The following WDR33 variants were observed in gnomAD, a reference collection of about 807,000 sequenced individuals.
The protein encoded by WDR33 is WD repeat domain 33.
In WDR33, 47 loss-of-function variants were observed where a neutral mutation model predicts 164.9. That is an observed-to-expected ratio of 0.29 (90% CI 0.23 to 0.36). The LOEUF is 0.36. WDR33 is among the 10% of genes least tolerant of loss of function. The probability of loss-of-function intolerance (pLI) is 1.00; values close to 1 mark genes in which losing one functional copy is unlikely to be tolerated. For missense variants in WDR33, 1,137 were observed against 1,754.1 expected, an observed-to-expected ratio of 0.65 and a Z score of 6.28; for synonymous variants, 505 against 589.0, an observed-to-expected ratio of 0.86 and a Z score of 2.06.
chr2:127,775,819 C>T (rs1688168986), intron 1 of WDR33, among the ~76,000 whole-genome samples: 1 of 151,564 alleles, frequency 6.6e-6, no homozygotes, highest in African/African-American at 2.4e-5. Context: ...CTTGAATGAT[C>T]AAGTACCAAT....
intron 4 of WDR33, among the ~76,000 whole-genome samples, chr2:127,766,877 C>A (rs184621085): frequency 6.6e-6 from 1 of 152,118 alleles, no homozygotes; most frequent in Non-Finnish European, 1.5e-5. Context: ...TCAAGTGATT[C>A]CCCTGTCTCA....
chr2:127,702,316 G>T lies in WDR33; in HGVS notation c.*4007C>A. ...CCTAACAGCCTGCGAGTCTAATCCG[G>T]GAGCGGCTGCTGCCAGCGGAGGCGA... On this transcript the variant is annotated 3_prime_UTR_variant, in exon 22 of 22. Coordinates refer to ENST00000322313, the MANE Select transcript of WDR33 (RefSeq NM_018383.5). 1.1e-6 allele frequency: 1 copy of T among 928,472 alleles called. No individual in the cohort carries two copies. The highest frequency in any genetic ancestry group is 1.8e-5 in the African/African-American group (1 of 56,776). The allele number at this position is 928,472 out of a possible 1,614,324, so 57.5% of individuals were successfully genotyped here.
intron 1 of WDR33, among the ~76,000 whole-genome samples, chr2:127,809,204 G>A (rs1400831257): frequency 6.6e-6 from 1 of 152,020 alleles, no homozygotes; most frequent in Non-Finnish European, 1.5e-5. Context: ...GCAAAGTAAT[G>A]GGAAAAGTAT....
rs2105371668 is a variant in WDR33, at chr2:127,710,459, C to A, written c.3309-603G>T. ...CCCACAGCCTCCACCCAGGGGCAGG[C>A]CTCCATGACCACGAGTGGCACTCAT... On this transcript the variant is annotated intron_variant, in intron 18 of 21. Coordinates refer to ENST00000322313, the MANE Select transcript of WDR33 (RefSeq NM_018383.5). The surrounding 1 kb of genome is among the most constrained non-coding windows in gnomAD (Gnocchi z 4.4). Among the ~76,000 whole-genome samples the A allele has an allele frequency of 6.6e-6, 1 of 152,306 alleles. No homozygotes were observed. Among genetic ancestry groups the A allele is most frequent in the South Asian group, 2.1e-4 (1 of 4,828 alleles).
chr2:127,740,156 A>C (rs1686970547), intron 7 of WDR33, among the ~76,000 whole-genome samples: 1 of 152,196 alleles, frequency 6.6e-6, no homozygotes, highest in South Asian at 2.1e-4. Context: ...TCCAACACTG[A>C]GAAGATGATA....
chr2:127,713,618 G>A lies in WDR33; in HGVS notation c.3273C>T (p.Pro1091=), dbSNP rs200730152. Residue 1091 remains proline, a synonymous_variant, in exon 18 of 22, where the codon CCC becomes CCT. Coordinates refer to ENST00000322313, the MANE Select transcript of WDR33 (RefSeq NM_018383.5). The surrounding 1 kb of genome is among the most constrained non-coding windows in gnomAD (Gnocchi z 6.2). The part of the protein sequence containing the change: ...RPGDERFPRD[P]EDPRFRGRRE... ...TGCGCCCTCGAAAACGTGGGTCCTC[G>A]GGATCCCGGGGGAAACGTTCATCTC... The A allele has an allele frequency of 2.7e-5, 43 of 1,614,120 alleles. No homozygotes were observed. The highest frequency in any genetic ancestry group is 1.6e-4 in the Middle Eastern group (1 of 6,084).
chr2:127,722,474 C>T lies in WDR33; in HGVS notation c.1518+117G>A, dbSNP rs1275242562. ...AGAACCATGTCTAAGAGTACGTGAA[C>T]ATGGGAAAAATGCTCCAGTACAGAA... On this transcript the variant is annotated intron_variant, in intron 14 of 21. Coordinates refer to ENST00000322313, the MANE Select transcript of WDR33 (RefSeq NM_018383.5). This position sits in a 1 kb window ranked among gnomAD's most constrained non-coding sequence, Gnocchi z 5.1. 5.0e-6 allele frequency: 7 copies of T among 1,402,196 alleles called. No homozygotes were observed. The highest frequency in any genetic ancestry group is 6.8e-6 in the Non-Finnish European group (7 of 1,034,730). 86.9% of individuals were successfully genotyped at this position (1,402,196 alleles called of 1,614,324 possible). A position where few individuals can be genotyped will look rare whatever the true frequency, so the allele number is the denominator to read the frequency against.
At chr2:127,725,479 G>A (rs1222895741) in intron 8 of WDR33, among the ~76,000 whole-genome samples, 4 of 152,198 alleles carry the variant, frequency 2.6e-5, no homozygotes, top group Non-Finnish European at 4.4e-5. Flanking sequence ...GCTCACGCCT[G>A]TAATCCCAGC....
In WDR33 at chr2:127,706,406, C is replaced by T. The variant is rs773059329; in HGVS notation, c.3928G>A (p.Gly1310Ser). 6.2e-7 allele frequency: 1 copy of T among 1,613,452 alleles called. No individual in the cohort carries two copies. Among genetic ancestry groups the T allele is most frequent in the East Asian group, 2.2e-5 (1 of 44,876 alleles). ...SGTPSRGGRS[G>S]SNWGRGSNMN... ...TTACTCCCTCTACCCCAGTTACTGC[C>T]ACTCCGGCCCCCTCGAGAAGGGGTG... is the stretch of plus-strand genomic sequence containing the variant. The change falls in exon 22 of 22, where the codon GGC becomes AGC. Residue 1310 changes from glycine (G) to serine (S), a missense_variant. Gly to Ser is a moderately conservative substitution (Grantham distance 56, BLOSUM62 0). Around this residue, in one of 9 missense-constraint regions of WDR33, gnomAD observed 867 missense variants for 1,073.0 expected, o/e 0.81. Transcript: ENST00000322313. The surrounding 1 kb of genome is among the most constrained non-coding windows in gnomAD (Gnocchi z 5.1).
chr2:127,706,644 GAC>G lies in WDR33; in HGVS notation c.3782-94_3782-93del, dbSNP rs1242843744. The stretch of plus-strand genomic sequence containing the variant: ...CAAACTTTACTCTCTGATGACAATG[GAC>G]CAGTTCTGGTGGGTGCCAGGGAGAC... On this transcript the variant is annotated intron_variant, in intron 21 of 21. Transcript: ENST00000322313. The surrounding 1 kb of genome is among the most constrained non-coding windows in gnomAD (Gnocchi z 5.1). 13 of 1,196,106 alleles carry G rather than the reference GAC, an allele frequency of 1.1e-5. No homozygotes were observed. The highest frequency in any genetic ancestry group is 1.5e-5 in the Non-Finnish European group (13 of 849,992). The allele number at this position is 1,196,106 out of a possible 1,614,324, so 74.1% of individuals were successfully genotyped here. A position where few individuals can be genotyped will look rare whatever the true frequency, so the allele number is the denominator to read the frequency against.
In WDR33 at chr2:127,763,397, T is replaced by C. The variant is rs1345894051; in HGVS notation, c.627-238A>G. On this transcript the variant is annotated intron_variant, in intron 6 of 21. Coordinates refer to ENST00000322313, the MANE Select transcript of WDR33 (RefSeq NM_018383.5). The surrounding 1 kb of genome is among the most constrained non-coding windows in gnomAD (Gnocchi z 4.5). ...ATCAGTATTCTGAGAACTTCAAGTG[T>C]GTATTATTAGTGCTAATGCTATCCA... 6.0e-6 allele frequency: 8 copies of C among 1,341,436 alleles called. No individual in the cohort carries two copies. Among genetic ancestry groups the C allele is most frequent in the Non-Finnish European group, 7.7e-6 (8 of 1,042,514 alleles). The allele number at this position is 1,341,436 out of a possible 1,614,324, so 83.1% of individuals were successfully genotyped here. A position where few individuals can be genotyped will look rare whatever the true frequency, so the allele number is the denominator to read the frequency against.
rs1246749415 is a variant in WDR33 at position 127,761,587 on chromosome 2, T to TAGAAAATGTTTCACTTATAAACACTTGG, written c.724+1474_724+1475insCCAAGTGTTTATAAGTGAAACATTTTCT. ...AAACTTAGAAAATGTTTCACTTATTTCTGTTTAACAGCCAAGACTAATAGT... is the reference window on the plus strand; with the variant it reads ...AAACTTAGAAAATGTTTCACTTATTTAGAAAATGTTTCACTTATAAACACTTGGCTGTTTAACAGCCAAGACTAATAGT... On this transcript the variant is annotated intron_variant, in intron 7 of 21. Coordinates refer to ENST00000322313, the MANE Select transcript of WDR33 (RefSeq NM_018383.5). Among the ~76,000 whole-genome samples the TAGAAAATGTTTCACTTATAAACACTTGG allele has an allele frequency of 2.0e-5, 3 of 152,238 alleles. No individual in the cohort carries two copies. In the East Asian group the frequency reaches 5.8e-4, roughly 29 times the overall value.
chr2:127,727,873 C>T (rs1007769374), intron 7 of WDR33, among the ~76,000 whole-genome samples: 2 of 152,104 alleles, frequency 1.3e-5, no homozygotes, highest in African/African-American at 4.8e-5. Context: ...CAGAAGAATA[C>T]AGACAAAGGG....
intron 1 of WDR33, among the ~76,000 whole-genome samples, chr2:127,780,917 G>A (rs1323635465): frequency 6.6e-6 from 1 of 152,146 alleles, no homozygotes. Flanking sequence ...CTGGAGTGCA[G>A]TGGCACCATC....
chr2:127,807,536 C>CACAG (rs935752507), intron 1 of WDR33, among the ~76,000 whole-genome samples: 8 of 152,132 alleles, frequency 5.3e-5, no homozygotes, highest in African/African-American at 1.9e-4. Flanking sequence ...AAGGCAGTCA[C>CACAG]ACAGACACTA....
At chr2:127,739,280 T>C (rs1367765509) in intron 7 of WDR33, among the ~76,000 whole-genome samples, 2 of 152,244 alleles carry the variant, frequency 1.3e-5, no homozygotes, top group African/African-American at 2.4e-5. Flanking sequence ...CACTTTCATC[T>C]CTGAGCCAGG....
intron 1 of WDR33, among the ~76,000 whole-genome samples, chr2:127,794,810 G>A (rs1483667192): frequency 2.7e-5 from 4 of 146,354 alleles, no homozygotes; most frequent in Non-Finnish European, 4.5e-5. Flanking sequence ...CCCCAGCCTG[G>A]GCGACAAAGC....
At chr2:127,810,133 A>G (rs1276716961) in intron 1 of WDR33, among the ~76,000 whole-genome samples, 3 of 152,184 alleles carry the variant, frequency 2.0e-5, no homozygotes, top group African/African-American at 7.2e-5. Flanking sequence ...AGTAAAGTCT[A>G]CGCTCCCCAG....
intron 1 of WDR33, among the ~76,000 whole-genome samples, chr2:127,800,664 A>C (rs1689205615): frequency 6.6e-6 from 1 of 151,660 alleles, no homozygotes. Flanking sequence ...ACCAACAAGC[A>C]AAAAAATTCA....
Sources: allele counts gnomAD v4.1 joint callset (sites outside exome capture counted in the v4.1 genomes callset), GRCh38; gene constraint gnomAD v4.1.1; regional missense constraint gnomAD v4.1.1; non-coding constraint Gnocchi (gnomAD v3.1); transcripts MANE v1.5; gene names NCBI Gene and HGNC (gene_info 2026-07-23, HGNC 2026-07-21).